USP30: variants seen among roughly 807,000 people sequenced by gnomAD.
USP30 encodes ubiquitin carboxyl-terminal hydrolase 30.
Under a neutral mutation model 68.2 loss-of-function variants are expected in USP30, and 41 were observed. That is an observed-to-expected ratio of 0.60 (90% confidence interval 0.47 to 0.78). The LOEUF (loss-of-function observed/expected upper bound fraction) is 0.78. Ranked by LOEUF, USP30 falls within the 30% of genes least tolerant of loss-of-function variation. USP30 has a pLI of 0.00. For synonymous variants in USP30, 229 were observed against 253.7 expected, an observed-to-expected ratio of 0.90 and a Z score of 0.93; for missense variants, 522 against 649.4, an observed-to-expected ratio of 0.80 and a Z score of 2.13.
At chr12:109,052,841 C>A in intron 1 of USP30, 80 bp downstream of exon 1, 2 of 1,340,000 alleles carry the variant, frequency 1.5e-6, no homozygotes, top group Non-Finnish European at 1.9e-6. Context: ...TTTTTCATGC[C>A]CTAGTTGGGG....
chr12:109,041,261 T>C (rs2040562535), intron 3 of USP30, among the ~76,000 whole-genome samples: 2 of 152,082 alleles, frequency 1.3e-5, no homozygotes, highest in Admixed American at 6.6e-5. Flanking sequence ...AAACAACCCA[T>C]AAATTAACAA....
In USP30 at chr12:109,066,152, C is replaced by A. The variant is rs535918009; in HGVS notation, c.377-1372C>A. On this transcript the variant is annotated intron_variant, in intron 3 of 12. Coordinates refer to ENST00000257548, the MANE Select transcript of USP30 (RefSeq NM_032663.5). Reference sequence around the variant, plus strand: ...CTGTAGTCCCAGCTGCTCAGGAGGCCAAGATGGGAGGATTGCTTGGGCCCA... The same window carrying A: ...CTGTAGTCCCAGCTGCTCAGGAGGCAAAGATGGGAGGATTGCTTGGGCCCA... Among the ~76,000 whole-genome samples, 18 of 147,436 alleles carry A rather than the reference C, an allele frequency of 1.2e-4. No individual in the cohort carries two copies. The South Asian group carries it at 3.8e-3, about 31-fold the overall frequency.
intron 2 of USP30, 111 bp from the exon 3 acceptor site, chr12:109,057,815 G>C: frequency 8.3e-7 from 1 of 1,209,592 alleles, no homozygotes; most frequent in South Asian, 1.5e-5. Flanking sequence ...GATCTTCTTG[G>C]ATCGGGATTC....
intron 7 of USP30, among the ~76,000 whole-genome samples, chr12:109,080,528 G>A (rs1402830314): frequency 1.3e-5 from 2 of 152,050 alleles, no homozygotes; most frequent in Non-Finnish European, 2.9e-5. Context: ...CTACTTCATC[G>A]TCTCCTTTTT....
upstream of USP30, among the ~76,000 whole-genome samples, chr12:109,047,985 C>T (rs1038745657): frequency 5.9e-5 from 9 of 152,016 alleles, no homozygotes; most frequent in African/African-American, 1.9e-4. Context: ...AAGCCCTTCC[C>T]ATTCCCATTC....
chr12:109,053,630 C>T (rs2040744781), intron 1 of USP30: 1 of 166,728 alleles, frequency 6.0e-6, no homozygotes, highest in African/African-American at 2.4e-5. Flanking sequence ...GTCCTCGATA[C>T]TTATCCTGTC....
intron 3 of USP30, among the ~76,000 whole-genome samples, chr12:109,041,539 G>A (rs1255377257): frequency 6.6e-6 from 1 of 151,954 alleles, no homozygotes. Flanking sequence ...AGAGGCTGAG[G>A]CAGAGGAATC....
chr12:109,066,867 C>T (rs1466535757), intron 3 of USP30, among the ~76,000 whole-genome samples: 2 of 152,080 alleles, frequency 1.3e-5, no homozygotes, highest in Non-Finnish European at 2.9e-5. Context: ...TTAAAGGGCC[C>T]TCCCAACCTG....
chr12:109,031,818 T>C (rs1341158040), intron 3 of USP30, among the ~76,000 whole-genome samples: 1 of 152,076 alleles, frequency 6.6e-6, no homozygotes, highest in Non-Finnish European at 1.5e-5. Flanking sequence ...AAACAGAAGG[T>C]AGAGACGAGG....
intron 3 of USP30, among the ~76,000 whole-genome samples, chr12:109,042,168 T>G (rs1274137842): frequency 6.6e-6 from 1 of 151,972 alleles, no homozygotes; most frequent in Non-Finnish European, 1.5e-5. Context: ...TTAGCTGACC[T>G]TCTTTTTTCA....
chr12:109,048,277 G>A (rs979444872), upstream of USP30, among the ~76,000 whole-genome samples: 4 of 151,866 alleles, frequency 2.6e-5, no homozygotes, highest in South Asian at 2.1e-4. Context: ...TAGAGACAGG[G>A]TTTCACCATG....
chr12:109,075,358 T>C (rs1350875651), intron 7 of USP30, among the ~76,000 whole-genome samples: 1 of 151,506 alleles, frequency 6.6e-6, no homozygotes, highest in Non-Finnish European at 1.5e-5. Context: ...ACGTGCTGTC[T>C]TTTTTTTTCA....
chr12:109,036,455 G>A (rs763671633), intron 3 of USP30, among the ~76,000 whole-genome samples: 1 of 151,772 alleles, frequency 6.6e-6, no homozygotes, highest in Non-Finnish European at 1.5e-5. Context: ...TGTGAACCAC[G>A]CCCAGCTAAT....
chr12:109,025,680 C>G (rs557935348), intron 2 of USP30, among the ~76,000 whole-genome samples: 76 of 147,420 alleles, frequency 5.2e-4, no homozygotes, highest in African/African-American at 1.4e-3. Context: ...GGAACTGCCA[C>G]TTTTTTTTTT....
intron 7 of USP30, 124 bp downstream of exon 7, chr12:109,073,656 A>G: frequency 3.8e-6 from 3 of 783,776 alleles, no homozygotes; most frequent in Non-Finnish European, 6.3e-6. Context: ...GCCTCTGCAC[A>G]CTAGTGGACT....
chr12:109,041,167 G>A (rs992337565), intron 3 of USP30, among the ~76,000 whole-genome samples: 5 of 152,212 alleles, frequency 3.3e-5, no homozygotes, highest in African/African-American at 1.2e-4. Context: ...TAGATGTTTT[G>A]CAAAGCAATG....
intron 11 of USP30, 117 bp downstream of exon 11, chr12:109,083,179 T>A: frequency 9.5e-7 from 1 of 1,048,152 alleles, no homozygotes; most frequent in Non-Finnish European, 1.3e-6. Flanking sequence ...CAATGGTGCT[T>A]AAACTCTTGA....
intron 11 of USP30, 152 bp downstream of exon 11, chr12:109,083,214 A>G (rs1049402277): frequency 6.6e-6 from 5 of 751,946 alleles, no homozygotes; most frequent in African/African-American, 5.3e-5. Context: ...GGGGTGGAAG[A>G]GGGAAGATTT....
At chr12:109,055,613 T>C (rs970162083) in intron 1 of USP30, among the ~76,000 whole-genome samples, 1 of 147,840 alleles carries the variant, frequency 6.8e-6, no homozygotes, top group Non-Finnish European at 1.5e-5. Context: ...TTGGCCAGGC[T>C]GGTCTCCCAC....
Sources: allele counts gnomAD v4.1 joint callset (sites outside exome capture counted in the v4.1 genomes callset), GRCh38; gene constraint gnomAD v4.1.1; transcripts MANE v1.5; gene names NCBI Gene and HGNC (gene_info 2026-07-23, HGNC 2026-07-21).